GPC5: variants seen among roughly 807,000 people sequenced by gnomAD.
The protein encoded by GPC5 is glypican 5, also known as glypican-5.
GPC5 carries 47 observed loss-of-function variants against 53.9 expected under a neutral mutation model. That is an observed-to-expected ratio of 0.87 (90% CI 0.69 to 1.11). The LOEUF is 1.11. GPC5 is among the 50% of genes most tolerant of loss of function. The probability of loss-of-function intolerance (pLI) is 0.00; values close to 1 mark genes in which losing one functional copy is unlikely to be tolerated. For synonymous variants in GPC5, 286 were observed against 263.3 expected, an observed-to-expected ratio of 1.09 and a Z score of -0.84; for missense variants, 748 against 713.1, an observed-to-expected ratio of 1.05 and a Z score of -0.56.
intron 1 of GPC5, among the ~76,000 whole-genome samples, chr13:91,415,126 C>T (rs1264456275): frequency 1.3e-5 from 2 of 152,126 alleles, no homozygotes; most frequent in Non-Finnish European, 2.9e-5. Context: ...TTTGACTGGG[C>T]ATGCTAACAA....
chr13:92,666,069 C>T (rs1955326807), intron 7 of GPC5, among the ~76,000 whole-genome samples: 1 of 152,078 alleles, frequency 6.6e-6, no homozygotes, highest in Non-Finnish European at 1.5e-5. Context: ...GTTAGAATTG[C>T]TTTATATTGA....
intron 7 of GPC5, among the ~76,000 whole-genome samples, chr13:92,489,549 T>A (rs1408074648): frequency 1.3e-5 from 2 of 152,182 alleles, no homozygotes; most frequent in East Asian, 3.9e-4. Flanking sequence ...AAAGGTGGTA[T>A]TGGAGTAGAT....
intron 5 of GPC5, among the ~76,000 whole-genome samples, chr13:91,778,290 G>T (rs999913287): frequency 6.6e-6 from 1 of 152,192 alleles, no homozygotes; most frequent in Non-Finnish European, 1.5e-5. Flanking sequence ...TTTCAGCTGA[G>T]TAGCCAGTTG....
chr13:92,496,649 C>A (rs543706382), intron 7 of GPC5, among the ~76,000 whole-genome samples: 1 of 152,206 alleles, frequency 6.6e-6, no homozygotes, highest in East Asian at 1.9e-4. Flanking sequence ...CGACCAAATT[C>A]ACAGAACTCA....
intron 7 of GPC5, among the ~76,000 whole-genome samples, chr13:92,569,139 C>A (rs1441225011): frequency 2.2e-5 from 3 of 135,352 alleles, no homozygotes; most frequent in Non-Finnish European, 3.1e-5. Flanking sequence ...CATGTGTTCT[C>A]ATTGTTCAAT....
intron 7 of GPC5, among the ~76,000 whole-genome samples, chr13:92,285,363 C>G (rs1395446138): frequency 6.6e-6 from 1 of 152,296 alleles, no homozygotes; most frequent in East Asian, 1.9e-4. Flanking sequence ...CTACCAATGA[C>G]TGTCTTCACA....
At chr13:91,987,489 C>T (rs891913178) in intron 6 of GPC5, among the ~76,000 whole-genome samples, 6 of 152,118 alleles carry the variant, frequency 3.9e-5, no homozygotes, top group African/African-American at 1.4e-4. Flanking sequence ...ACAGGGACTA[C>T]TTTTAGAGTT....
intron 2 of GPC5, among the ~76,000 whole-genome samples, chr13:91,678,739 T>G (rs573289406): frequency 8.7e-4 from 86 of 98,438 alleles, no homozygotes; most frequent in East Asian, 1.1e-3. Context: ...GAGTTTTTGT[T>G]TTTTTTTTTG....
chr13:91,997,238 A>G (rs1024849196), intron 6 of GPC5, among the ~76,000 whole-genome samples: 1 of 152,150 alleles, frequency 6.6e-6, no homozygotes, highest in African/African-American at 2.4e-5. Context: ...CAATTTATCT[A>G]TGATACTGGA....
At chr13:91,571,870 TATATACACACATATAC>T (rs2031843569) in intron 2 of GPC5, among the ~76,000 whole-genome samples, 1 of 100,646 alleles carries the variant, frequency 9.9e-6, no homozygotes. Flanking sequence ...CGTGTGTGTA[TATATACACACATATAC>T]GTGTGTATAT....
At chr13:92,525,554 A>G (rs1881245627) in intron 7 of GPC5, among the ~76,000 whole-genome samples, 1 of 151,800 alleles carries the variant, frequency 6.6e-6, no homozygotes, top group South Asian at 2.1e-4. Flanking sequence ...TAGCATAAAT[A>G]TAATGGCAGA....
intron 7 of GPC5, among the ~76,000 whole-genome samples, chr13:92,207,914 A>G (rs2042348931): frequency 1.3e-5 from 2 of 152,210 alleles, no homozygotes; most frequent in Non-Finnish European, 2.9e-5. Flanking sequence ...TCCTGTTAGG[A>G]CCAATTTGTA....
chr13:92,075,500 A>G (rs1277394569), intron 6 of GPC5, among the ~76,000 whole-genome samples: 1 of 152,200 alleles, frequency 6.6e-6, no homozygotes, highest in Non-Finnish European at 1.5e-5. Flanking sequence ...AATATAATCA[A>G]TATTTACCTA....
chr13:92,446,599 C>T (rs545753331), intron 7 of GPC5: 1 of 152,194 alleles, frequency 6.6e-6, no homozygotes, highest in African/African-American at 2.4e-5. Context: ...CATGAGAGTG[C>T]AGATATCTCT....
chr13:91,812,295 T>C (rs978465943), intron 5 of GPC5, among the ~76,000 whole-genome samples: 14 of 152,238 alleles, frequency 9.2e-5, no homozygotes, highest in African/African-American at 3.4e-4. Flanking sequence ...CCCTCTATAT[T>C]TATGTGCCTG....
At chr13:91,484,134 GT>G (rs1359587919) in intron 2 of GPC5, among the ~76,000 whole-genome samples, 1 of 152,058 alleles carries the variant, frequency 6.6e-6, no homozygotes, top group East Asian at 1.9e-4. Context: ...TTTCGAGTGT[GT>G]TCACACTCTG....
At position 92,316,177 on chromosome 13, in the gene GPC5, T is replaced by C. The variant is rs115039259; in HGVS notation, c.1561+171188T>C. Reference sequence around the variant, plus strand: ...AGTAAGAGATTGTAGTAGAAACCCATGAAAAATAAAAATCAGAATAGTAAT... The same window carrying C: ...AGTAAGAGATTGTAGTAGAAACCCACGAAAAATAAAAATCAGAATAGTAAT... On this transcript the variant is annotated intron_variant, in intron 7 of 7. Coordinates refer to ENST00000377067, the MANE Select transcript of GPC5 (RefSeq NM_004466.6). Among the ~76,000 whole-genome samples the C allele has an allele frequency of 3.7e-3, 565 of 152,218 alleles. 4 individuals carry two copies. Among genetic ancestry groups the C allele is most frequent in the African/African-American group, 0.013 (535 of 41,574 alleles).
At chr13:91,585,687 T>C (rs1045805315) in intron 2 of GPC5, among the ~76,000 whole-genome samples, 10 of 152,192 alleles carry the variant, frequency 6.6e-5, no homozygotes, top group Admixed American at 2.6e-4. Flanking sequence ...ATGCTGGTGA[T>C]GGTGCTTTTT....
At chr13:91,922,672 A>AT (rs1176723679) in intron 6 of GPC5, among the ~76,000 whole-genome samples, 1 of 152,122 alleles carries the variant, frequency 6.6e-6, no homozygotes, top group Non-Finnish European at 1.5e-5. Context: ...TTCTCTAGAG[A>AT]TAAAAAAAAC....
Sources: gnomAD v4.1 joint callset for allele counts (sites outside exome capture counted in the v4.1 genomes callset) on GRCh38, gnomAD v4.1.1 for gene constraint, MANE v1.5 for transcripts, NCBI Gene and HGNC (gene_info 2026-07-23, HGNC 2026-07-21) for gene names.